The following SLF1 variants were observed in gnomAD, a reference collection of about 807,000 sequenced individuals.
SLF1 encodes the protein SMC5-SMC6 complex localization factor protein 1.
Under a neutral mutation model 123.0 loss-of-function variants are expected in SLF1, and 105 were observed. The observed-to-expected ratio is 0.85, with a 90% CI of 0.73 to 1.00. The LOEUF (loss-of-function observed/expected upper bound fraction) is 1.00. SLF1 is among the 50% of genes least tolerant of loss of function. The pLI is 0.00. For synonymous variants in SLF1, 434 were observed against 406.6 expected (o/e 1.07, Z -0.81); for missense variants, 1,239 against 1,223.0 (o/e 1.01, Z -0.20).
At chr5:94,661,139 G>A (rs1561451577) in intron 9 of SLF1, among the ~76,000 whole-genome samples, 1 of 152,138 alleles carries the variant, frequency 6.6e-6, no homozygotes. Flanking sequence ...GACTCAGCGT[G>A]TACTCTTTCT....
At chr5:94,649,900 G>T (rs900480059) in intron 6 of SLF1, among the ~76,000 whole-genome samples, 1 of 151,958 alleles carries the variant, frequency 6.6e-6, no homozygotes, top group Non-Finnish European at 1.5e-5. Flanking sequence ...AGGTAACATC[G>T]TGTGTCTTAT....
chr5:94,638,304 G>A (rs983539042), intron 4 of SLF1, among the ~76,000 whole-genome samples: 3 of 151,958 alleles, frequency 2.0e-5, no homozygotes, highest in African/African-American at 4.8e-5. Context: ...TCAGCCTCCC[G>A]AGTAGCTGGA....
intron 10 of SLF1, 148 bp downstream of exon 10, chr5:94,662,499 T>C: frequency 1.6e-6 from 1 of 607,342 alleles, no homozygotes; most frequent in Non-Finnish European, 2.5e-6. Context: ...GCTTCTCTAA[T>C]CAGAAATGAT....
chr5:94,686,820 C>T, intron 16 of SLF1, 102 bp downstream of exon 16: 1 of 1,321,124 alleles, frequency 7.6e-7, no homozygotes, highest in Non-Finnish European at 1.0e-6. Flanking sequence ...TGGAGGCTTG[C>T]TCTGTCGCCC....
intron 9 of SLF1, among the ~76,000 whole-genome samples, chr5:94,657,619 C>A (rs1290005743): frequency 1.3e-5 from 2 of 151,858 alleles, no homozygotes; most frequent in Admixed American, 6.6e-5. Context: ...ATAATCTGTC[C>A]AATGCTTAGA....
chr5:94,694,836 G>A lies in SLF1; in HGVS notation c.2701G>A (p.Val901Met). 1 of 1,560,086 alleles carries A rather than the reference G, an allele frequency of 6.4e-7. No homozygotes were observed. Among genetic ancestry groups the A allele is most frequent in the Non-Finnish European group, 8.6e-7 (1 of 1,157,018 alleles). Residue 901 changes from valine to methionine, a missense_variant, in exon 21 of 21, where the codon GTG becomes ATG. Coordinates refer to ENST00000265140, the MANE Select transcript of SLF1 (RefSeq NM_032290.4). ...GKLLLQHGGP[V>M]LLQQRNAKGE... ...TTTGCATTTTCTTTTCACAGGCCCA[G>A]TGCTTTTACAACAGAGGAATGCTAA...
Position 94,653,408 on chromosome 5 carries a change from ATAAT to A in SLF1, c.1020_1023del (p.Tyr340Ter). On this transcript the variant is annotated frameshift_variant, in exon 8 of 21. Coordinates refer to ENST00000265140, the MANE Select transcript of SLF1 (RefSeq NM_032290.4). LOFTEE classifies it high-confidence loss of function. ...AAAAGTACCTTAAGAAGGCACATAT[ATAAT>A]AGAGATCAGGTAAAGTTTGTAAGCT... The A allele has an allele frequency of 6.7e-7, 1 of 1,502,364 alleles. No homozygotes were observed. The highest frequency in any genetic ancestry group is 8.8e-7 in the Non-Finnish European group (1 of 1,132,638). 93.1% of individuals were successfully genotyped at this position (1,502,364 alleles called of 1,614,324 possible).
intron 17 of SLF1, 99 bp from the exon 18 acceptor site, chr5:94,689,374 A>C: frequency 7.9e-7 from 1 of 1,272,566 alleles, no homozygotes. Flanking sequence ...AGGGAGTTTA[A>C]ATTAAAAGGG....
chr5:94,647,688 A>G (rs1292512618), intron 5 of SLF1, among the ~76,000 whole-genome samples: 1 of 152,236 alleles, frequency 6.6e-6, no homozygotes, highest in Non-Finnish European at 1.5e-5. Flanking sequence ...AGGAATAAAA[A>G]TGACTATTTA....
chr5:94,623,215 T>C (rs113772036), intron 1 of SLF1, among the ~76,000 whole-genome samples: 39 of 152,278 alleles, frequency 2.6e-4, no homozygotes, highest in African/African-American at 7.0e-4. Context: ...GCATCAAGAA[T>C]AGGCCCATGT....
chr5:94,629,961 G>A (rs945153209), intron 3 of SLF1, among the ~76,000 whole-genome samples: 2 of 151,956 alleles, frequency 1.3e-5, no homozygotes, highest in East Asian at 1.9e-4. Flanking sequence ...CCTGGGCAAC[G>A]TAGCGAGATC....
At position 94,649,574 on chromosome 5, in the gene SLF1, A is replaced by G; in HGVS notation, c.715A>G (p.Arg239Gly). 6.5e-7 allele frequency: 1 copy of G among 1,527,562 alleles called. No individual in the cohort carries two copies. Among genetic ancestry groups the G allele is most frequent in the Non-Finnish European group, 8.8e-7 (1 of 1,130,894 alleles). The allele number at this position is 1,527,562 out of a possible 1,614,324, so 94.6% of individuals were successfully genotyped here. A position where few individuals can be genotyped will look rare whatever the true frequency, so the allele number is the denominator to read the frequency against. Residue 239 changes from arginine (R) to glycine (G), a missense_variant, in exon 6 of 21, where the codon AGA becomes GGA. Physicochemically the swap from Arg to Gly is moderately radical, Grantham distance 125. Transcript: ENST00000265140. ...AGFLEMKGAL[R>G]ETMYRTQKEM... ...ATTTCTTGAAATGAAAGGTGCCTTA[A>G]GAGAGACCATGTATAGAACCCAGGT...
Position 94,691,612 on chromosome 5 carries a change from T to A in SLF1, c.2468T>A (p.Leu823Ter). The part of the protein sequence containing the change: ...RACINNQVEK[L>*]ILLLSLPGID... ...TGCATAAATAACCAAGTGGAGAAAT[T>A]GATTCTTCTTCTCTCTTTGCCAGGA... The change falls in exon 19 of 21, where the codon TTG becomes TAG. Residue 823 changes from leucine (L) to a stop codon, truncating the protein, a stop_gained. Transcript: ENST00000265140. LOFTEE classifies it high-confidence loss of function. The A allele has an allele frequency of 1.2e-6, 2 of 1,611,790 alleles. No individual in the cohort carries two copies. Among genetic ancestry groups the A allele is most frequent in the Non-Finnish European group, 1.7e-6 (2 of 1,179,434 alleles).
intron 5 of SLF1, among the ~76,000 whole-genome samples, chr5:94,643,861 G>C: frequency 6.6e-6 from 1 of 152,102 alleles, no homozygotes; most frequent in Non-Finnish European, 1.5e-5. Context: ...TCAAACCCTA[G>C]AAGAAACTGT....
At chr5:94,690,221 T>C (rs993217556) in intron 18 of SLF1, among the ~76,000 whole-genome samples, 7 of 152,188 alleles carry the variant, frequency 4.6e-5, no homozygotes, top group African/African-American at 1.7e-4. Context: ...CTTCCAGAAG[T>C]CTATACCTGG....
intron 1 of SLF1, among the ~76,000 whole-genome samples, chr5:94,624,847 A>G (rs1190020942): frequency 6.6e-6 from 1 of 152,124 alleles, no homozygotes; most frequent in Non-Finnish European, 1.5e-5. Flanking sequence ...ACTCTAAAAT[A>G]CATTAAAAAT....
intron 1 of SLF1, among the ~76,000 whole-genome samples, chr5:94,619,496 A>G (rs1454402313): frequency 1.3e-5 from 2 of 151,340 alleles, no homozygotes; most frequent in African/African-American, 4.8e-5. Flanking sequence ...AATATTGACA[A>G]AAAAAAAATT....
intron 1 of SLF1, among the ~76,000 whole-genome samples, chr5:94,619,840 G>A (rs1006003159): frequency 1.3e-5 from 2 of 152,128 alleles, no homozygotes; most frequent in African/African-American, 4.8e-5. Flanking sequence ...TTATATTAAA[G>A]AGTATATTTC....
rs60087029 is a variant in SLF1, at chr5:94,665,880, C to T, written c.1388C>T (p.Ser463Phe). ...TAATAGGATAACATAGATACATTTT[C>T]TGGTCGATACTTTCATATATTGTCA... ...NVLQDNIDTFSGRYFHILSAL... is the reference protein window; with the variant it reads ...NVLQDNIDTFFGRYFHILSAL... The change falls in exon 12 of 21, where the codon TCT becomes TTT. Residue 463 changes from serine (S) to phenylalanine (F), a missense_variant. Physicochemically the swap from Ser to Phe is radical, Grantham distance 155. Transcript: ENST00000265140. 6.5e-7 allele frequency: 1 copy of T among 1,546,364 alleles called. No individual in the cohort carries two copies. Among genetic ancestry groups the T allele is most frequent in the Non-Finnish European group, 8.8e-7 (1 of 1,142,444 alleles).
Sources: allele counts gnomAD v4.1 joint callset (sites outside exome capture counted in the v4.1 genomes callset), GRCh38; gene constraint gnomAD v4.1.1; transcripts MANE v1.5; gene names NCBI Gene and HGNC (gene_info 2026-07-23, HGNC 2026-07-21).